Variants in EXOSC1 observed in about 807,000 individuals in gnomAD.
EXOSC1 encodes exosome component 1.
Under a neutral mutation model 31.4 loss-of-function variants are expected in EXOSC1, and 27 were observed. That is an observed-to-expected ratio of 0.86 (90% CI 0.63 to 1.18). EXOSC1 has a LOEUF of 1.18. EXOSC1 is among the 50% of genes most tolerant of loss of function. The pLI is 0.00. For synonymous variants in EXOSC1, 84 were observed against 89.5 expected, an observed-to-expected ratio of 0.94 and a Z score of 0.35; for missense variants, 228 against 250.3, an observed-to-expected ratio of 0.91 and a Z score of 0.60.
intron 3 of EXOSC1, among the ~76,000 whole-genome samples, chr10:97,442,009 T>C (rs1401917263): frequency 6.6e-6 from 1 of 151,424 alleles, no homozygotes; most frequent in Non-Finnish European, 1.5e-5. Context: ...AAACCCCACC[T>C]GTACTAAAAA....
At position 97,441,255 on chromosome 10, in the gene EXOSC1, G is replaced by A; in HGVS notation, c.227C>T (p.Ser76Phe). ...TTTGGCAAAGCGTGAATTGATGCTA[G>A]AGACCTGCGGAATAGAGAAAAGATC... ...DVGAIVTCKVSSINSRFAKVH... is the reference protein window; with the variant it reads ...DVGAIVTCKVFSINSRFAKVH... Residue 76 changes from serine to phenylalanine, a missense_variant, in exon 4 of 8, where the codon TCT (serine) becomes TTT (phenylalanine). Ser to Phe is a radical substitution (Grantham distance 155, BLOSUM62 -2). Coordinates refer to ENST00000370902, the MANE Select transcript of EXOSC1 (RefSeq NM_016046.5). 3 of 1,613,802 alleles carry A rather than the reference G, an allele frequency of 1.9e-6. No homozygotes were observed. In the South Asian group the frequency reaches 3.3e-5, roughly 18 times the overall value.
chr10:97,445,959 G>C lies in EXOSC1; in HGVS notation c.27C>G (p.Ile9Met), dbSNP rs533391461. 9 of 1,614,214 alleles carry C rather than the reference G, an allele frequency of 5.6e-6. No homozygotes were observed. Among genetic ancestry groups the C allele is most frequent in the Middle Eastern group, 1.6e-4 (1 of 6,062 alleles). MAPPVRYC[I>M]PGERLCNLEE... ...GTACGGGAAGCGCTCACTTACCGGGGATGCAGTATCTCACAGGTGGCGCCA... is the reference window on the plus strand; with the variant it reads ...GTACGGGAAGCGCTCACTTACCGGGCATGCAGTATCTCACAGGTGGCGCCA... The change falls in exon 1 of 8, where the codon ATC becomes ATG. Residue 9 changes from isoleucine (I) to methionine (M), a missense_variant. Transcript: ENST00000370902.
At chr10:97,436,627 A>C in intron 7 of EXOSC1, 76 bp from the exon 8 acceptor site, 2 of 1,371,216 alleles carry the variant, frequency 1.5e-6, no homozygotes, top group Non-Finnish European at 2.0e-6. Context: ...CTGGGTATGA[A>C]GCTGAAGTGC....
At chr10:97,445,579 A>C in intron 2 of EXOSC1, 153 bp downstream of exon 2, 1 of 676,600 alleles carries the variant, frequency 1.5e-6, no homozygotes, top group South Asian at 1.9e-5. Flanking sequence ...GGCTAAGTGC[A>C]CCACAGCGGC....
At position 97,436,346 on chromosome 10, in the gene EXOSC1, G is replaced by T. The variant is rs200404619; in HGVS notation, c.*99C>A. ...TAAACTGGAAGATTTTTCTGGAAGTGGCTGTTGGCCGACGCCAGGTGTTTG... is the reference window on the plus strand; with the variant it reads ...TAAACTGGAAGATTTTTCTGGAAGTTGCTGTTGGCCGACGCCAGGTGTTTG... On this transcript the variant is annotated 3_prime_UTR_variant, in exon 8 of 8. Transcript: ENST00000370902. 1.9e-5 allele frequency: 16 copies of T among 831,064 alleles called. No individual in the cohort carries two copies. The East Asian group carries it at 4.3e-4, about 22-fold the overall frequency. 51.5% of individuals were successfully genotyped at this position (831,064 alleles called of 1,614,324 possible).
At chr10:97,444,534 A>T (rs1203044135) in intron 2 of EXOSC1, 1 of 152,202 alleles carries the variant, frequency 6.6e-6, no homozygotes, top group African/African-American at 2.4e-5. Flanking sequence ...ATATTCTTTC[A>T]AAGCACCACC....
chr10:97,437,366 T>C, intron 6 of EXOSC1, 91 bp from the exon 7 acceptor site: 3 of 981,014 alleles, frequency 3.1e-6, no homozygotes, highest in Non-Finnish European at 4.8e-6. Flanking sequence ...TTTTTTTTTT[T>C]CTGAGATGGA....
At chr10:97,443,472 TAGG>T (rs1191414898) in intron 2 of EXOSC1, among the ~76,000 whole-genome samples, 161 bp from the exon 3 acceptor site, 1 of 152,172 alleles carries the variant, frequency 6.6e-6, no homozygotes, top group Non-Finnish European at 1.5e-5. Context: ...TTTTAGGAAA[TAGG>T]AGGACCAGGA....
intron 2 of EXOSC1, among the ~76,000 whole-genome samples, 170 bp from the exon 3 acceptor site, chr10:97,443,481 C>T (rs1281214864): frequency 6.6e-6 from 1 of 152,220 alleles, no homozygotes; most frequent in African/African-American, 2.4e-5. Context: ...ATAGGAGGAC[C>T]AGGAGGCTAC....
intron 3 of EXOSC1, 131 bp downstream of exon 3, chr10:97,443,106 T>G: frequency 1.3e-6 from 1 of 754,274 alleles, no homozygotes; most frequent in South Asian, 1.8e-5. Context: ...ATTACCAGTG[T>G]GAGCCACTGT....
chr10:97,441,865 G>A (rs111238646), intron 3 of EXOSC1, among the ~76,000 whole-genome samples: 5,450 of 141,180 alleles, frequency 0.039, 221 homozygotes, highest in African/African-American at 0.097. Context: ...AGTATAGATG[G>A]CTAACAATTA....
At chr10:97,437,081 A>G (rs1169761516) in intron 7 of EXOSC1, 110 bp downstream of exon 7, 2 of 922,042 alleles carry the variant, frequency 2.2e-6, no homozygotes, top group Admixed American at 2.1e-5. Context: ...TCAGAGGGAA[A>G]TATCTATAGC....
rs367708076 is a variant in EXOSC1 at position 97,437,279 on chromosome 10, G to A, written c.397-4C>T. On this transcript the variant is annotated splice_polypyrimidine_tract_variant and splice_region_variant and intron_variant, in intron 6 of 7. Coordinates refer to ENST00000370902, the MANE Select transcript of EXOSC1 (RefSeq NM_016046.5). ...ACTGTGCATCACCTAAGGAGATCTA[G>A]TCACATAACACCGGTGAAGGAAAAT... 97 of 1,612,216 alleles carry A rather than the reference G, an allele frequency of 6.0e-5. No homozygotes were observed. Among genetic ancestry groups the A allele is most frequent in the Non-Finnish European group, 8.1e-5 (96 of 1,178,544 alleles).
intron 3 of EXOSC1, among the ~76,000 whole-genome samples, chr10:97,441,806 T>G (rs1022158248): frequency 3.3e-5 from 5 of 150,066 alleles, no homozygotes; most frequent in South Asian, 4.2e-4. Flanking sequence ...TTTTTTTTTT[T>G]TTTAAATCTT....
intron 5 of EXOSC1, 95 bp downstream of exon 5, chr10:97,438,575 G>A (rs1473633619): frequency 7.7e-6 from 9 of 1,175,606 alleles, no homozygotes; most frequent in Middle Eastern, 2.0e-4. Context: ...AAAGTACTGG[G>A]ATTACGGGTG....
rs142168476 is a variant in EXOSC1 at position 97,442,640 on chromosome 10, T to C, written c.222+597A>G. On this transcript the variant is annotated intron_variant, in intron 3 of 7. Transcript: ENST00000370902. ...CTTCCTGCTTCAGCCTCCCAAGTAG[T>C]TGGGACCACAAGCATGTGCTACCAT... 5.2e-3 allele frequency among the ~76,000 whole-genome samples: 793 copies of C among 152,256 alleles called. 8 individuals are homozygous for C. Among genetic ancestry groups the C allele is most frequent in the African/African-American group, 0.018 (750 of 41,556 alleles).
At chr10:97,439,532 C>T (rs1845649331) in intron 4 of EXOSC1, among the ~76,000 whole-genome samples, 1 of 152,236 alleles carries the variant, frequency 6.6e-6, no homozygotes, top group Non-Finnish European at 1.5e-5. Flanking sequence ...CTGTCACTGT[C>T]TCCCATCACC....
At chr10:97,445,663 C>T (rs1845936484) in intron 2 of EXOSC1, 69 bp downstream of exon 2, 4 of 1,467,194 alleles carry the variant, frequency 2.7e-6, no homozygotes, top group Non-Finnish European at 2.8e-6. Context: ...AGTGCCCATG[C>T]CTAAGGACTG....
intron 2 of EXOSC1, chr10:97,445,445 C>T: frequency 8.1e-6 from 4 of 494,448 alleles, no homozygotes; most frequent in Admixed American, 7.0e-5. Flanking sequence ...ATACAGTATG[C>T]AACTCACTGC....
Sources: gnomAD v4.1 joint callset for allele counts (sites outside exome capture counted in the v4.1 genomes callset) on GRCh38, gnomAD v4.1.1 for gene constraint, MANE v1.5 for transcripts, NCBI Gene and HGNC (gene_info 2026-07-23, HGNC 2026-07-21) for gene names.